Variants in FAM151B observed in about 807,000 individuals in gnomAD.
FAM151B encodes family with sequence similarity 151 member B, also known as protein FAM151B.
FAM151B carries 24 observed loss-of-function variants against 31.2 expected under a neutral mutation model. That is an observed-to-expected ratio of 0.77 (90% confidence interval 0.56 to 1.08). The LOEUF (loss-of-function observed/expected upper bound fraction) is 1.08, where lower values mean the gene tolerates loss of function less well. FAM151B is among the 50% of genes least tolerant of loss of function. FAM151B has a pLI of 0.00. For missense variants in FAM151B, 293 were observed against 328.6 expected (o/e 0.89, Z 0.84); for synonymous variants, 105 against 111.4 (o/e 0.94, Z 0.36).
intron 3 of FAM151B, chr5:80,518,789 A>T (rs1744574708): frequency 6.6e-6 from 1 of 152,170 alleles, no homozygotes; most frequent in South Asian, 2.1e-4. Flanking sequence ...AGGAGTGGAG[A>T]CAAGAGAGGT....
At position 80,538,509 on chromosome 5, in the gene FAM151B, TTTCTTTCCTTCC is replaced by T. The variant is rs1249260991; in HGVS notation, c.672-3160_672-3149del. 1.3e-3 allele frequency among the ~76,000 whole-genome samples: 140 copies of T among 104,956 alleles called. 10 individuals are homozygous for T. The highest frequency in any genetic ancestry group is 5.3e-3 in the African/African-American group (126 of 23,968). 68.9% of individuals were successfully genotyped at this position (104,956 alleles called of 152,430 possible). On this transcript the variant is annotated intron_variant, in intron 5 of 5. Transcript: ENST00000282226. ...TTCCTTCCTTCCTTCCTTTCTTTTC[TTTCTTTCCTTCC>T]TTCCTTCCTTCCTTCCTTCCTTCCT...
intron 5 of FAM151B, among the ~76,000 whole-genome samples, chr5:80,537,257 C>T (rs1285382484): frequency 5.9e-5 from 9 of 152,152 alleles, no homozygotes. Flanking sequence ...ATCCCTTCAG[C>T]GTTCTGGGTG....
chr5:80,525,905 T>C (rs1303847986), intron 5 of FAM151B, among the ~76,000 whole-genome samples: 1 of 151,926 alleles, frequency 6.6e-6, no homozygotes, highest in Non-Finnish European at 1.5e-5. Context: ...TGAAGGCATA[T>C]ACTAGGTGTA....
chr5:80,522,015 C>A lies in FAM151B; in HGVS notation c.548C>A (p.Thr183Lys). 1 of 1,579,896 alleles carries A rather than the reference C, an allele frequency of 6.3e-7. No individual in the cohort carries two copies. The highest frequency in any genetic ancestry group is 8.6e-7 in the Non-Finnish European group (1 of 1,156,268). ...PEKVNEGYSW[T>K]MVKEMEYICN... ...CTTTTCTTTTAAGGGTACAGTTGGA[C>A]AATGGTGAAAGAGATGGAATATATA... The change falls in exon 5 of 6, where the codon ACA (threonine) becomes AAA (lysine). Residue 183 changes from threonine to lysine, a missense_variant. By Grantham distance (78) the Thr-to-Lys change is moderately conservative. Coordinates refer to ENST00000282226, the MANE Select transcript of FAM151B (RefSeq NM_205548.3).
chr5:80,488,745 C>T (rs2039939076), intron 1 of FAM151B, among the ~76,000 whole-genome samples: 1 of 152,100 alleles, frequency 6.6e-6, no homozygotes, highest in Non-Finnish European at 1.5e-5. Flanking sequence ...GATTTTTTTC[C>T]CTAATTGTAA....
intron 5 of FAM151B, among the ~76,000 whole-genome samples, chr5:80,534,690 C>T (rs983047771): frequency 1.3e-5 from 2 of 151,754 alleles, no homozygotes; most frequent in Non-Finnish European, 2.9e-5. Context: ...TTCTCTAAGA[C>T]GAGGAACAAG....
intron 5 of FAM151B, among the ~76,000 whole-genome samples, chr5:80,530,204 C>T (rs1399523362): frequency 1.3e-5 from 2 of 152,166 alleles, no homozygotes; most frequent in Non-Finnish European, 2.9e-5. Context: ...GCTAAAAACT[C>T]TCAATAAACT....
At chr5:80,488,265 C>G in intron 1 of FAM151B, 117 bp downstream of exon 1, 1 of 1,273,156 alleles carries the variant, frequency 7.9e-7, no homozygotes, top group Non-Finnish European at 1.0e-6. Context: ...TGGGAGCGCG[C>G]CGCGCAGAAC....
At position 80,519,759 on chromosome 5, in the gene FAM151B, A is replaced by G. The variant is rs1744615917; in HGVS notation, c.384A>G (p.Val128=). The G allele has an allele frequency of 3.1e-6, 5 of 1,614,198 alleles. No individual in the cohort carries two copies. The African/African-American group carries it at 4.0e-5, about 13-fold the overall frequency. The change falls in exon 4 of 6, where the codon GTA becomes GTG. Residue 128 remains valine, a synonymous_variant. Transcript: ENST00000282226. ...TGAAGAGGCATCTGAAGCGTCCTGT[A>G]TGGATTAATGCCGATATTCTTCCTG... ...ENVKRHLKRP[V]WINADILPGP...
chr5:80,528,525 T>C (rs1313338100), intron 5 of FAM151B, among the ~76,000 whole-genome samples: 1 of 151,982 alleles, frequency 6.6e-6, no homozygotes, highest in Non-Finnish European at 1.5e-5. Context: ...TGGAAAAAGA[T>C]ATTCCATGCC....
intron 3 of FAM151B, 80 bp downstream of exon 3, chr5:80,513,849 A>G: frequency 7.6e-7 from 1 of 1,322,578 alleles, no homozygotes; most frequent in South Asian, 1.5e-5. Context: ...AATGTTATCC[A>G]AACTGAAAAT....
intron 1 of FAM151B, among the ~76,000 whole-genome samples, chr5:80,491,541 A>T (rs1247389137): frequency 3.3e-5 from 5 of 152,160 alleles, no homozygotes; most frequent in African/African-American, 1.2e-4. Flanking sequence ...TATAGTCACC[A>T]TTGCTGTGCA....
chr5:80,519,874 T>G lies in FAM151B; in HGVS notation c.499T>G (p.Trp167Gly), dbSNP rs774110104. Residue 167 changes from tryptophan (W) to glycine (G), a missense_variant, in exon 4 of 6, where the codon TGG (tryptophan) becomes GGG (glycine). Coordinates refer to ENST00000282226, the MANE Select transcript of FAM151B (RefSeq NM_205548.3). ...FFPDVTFSLGWTTGWHPEKVN... is the reference protein window; with the variant it reads ...FFPDVTFSLGGTTGWHPEKVN... Reference sequence around the variant, plus strand: ...TCCAGACGTGACGTTTTCCCTGGGTTGGACAACAGGATGGCATCCTGAGAA... The same window carrying G: ...TCCAGACGTGACGTTTTCCCTGGGTGGGACAACAGGATGGCATCCTGAGAA... The G allele has an allele frequency of 6.2e-7, 1 of 1,614,066 alleles. No individual in the cohort carries two copies. Among genetic ancestry groups the G allele is most frequent in the Non-Finnish European group, 8.5e-7 (1 of 1,180,016 alleles).
intron 1 of FAM151B, chr5:80,500,656 G>A: frequency 1.3e-6 from 1 of 768,704 alleles, no homozygotes; most frequent in Non-Finnish European, 2.4e-6. Flanking sequence ...GAAAGGTGTT[G>A]CAGCTTCTTC....
chr5:80,528,046 T>C (rs1745049819), intron 5 of FAM151B, among the ~76,000 whole-genome samples: 1 of 152,182 alleles, frequency 6.6e-6, no homozygotes, highest in South Asian at 2.1e-4. Context: ...TTTAAACTTT[T>C]AAAATATTTT....
intron 5 of FAM151B, among the ~76,000 whole-genome samples, chr5:80,541,243 G>GT (rs1222864370): frequency 6.6e-6 from 1 of 152,210 alleles, no homozygotes; most frequent in African/African-American, 2.4e-5. Flanking sequence ...ATGATTCTAA[G>GT]TATTGTGGAT....
At chr5:80,517,596 T>C (rs957621065) in intron 3 of FAM151B, among the ~76,000 whole-genome samples, 1 of 152,026 alleles carries the variant, frequency 6.6e-6, no homozygotes, top group African/African-American at 2.4e-5. Context: ...AATATCATTA[T>C]CCTTCGTCTA....
At chr5:80,533,842 G>T (rs1201406699) in intron 5 of FAM151B, among the ~76,000 whole-genome samples, 1 of 150,112 alleles carries the variant, frequency 6.7e-6, no homozygotes, top group Non-Finnish European at 1.5e-5. Context: ...TTTTTGAAAA[G>T]TTAAAGAAAA....
intron 5 of FAM151B, among the ~76,000 whole-genome samples, chr5:80,528,191 C>T (rs1745057187): frequency 6.6e-6 from 1 of 151,880 alleles, no homozygotes; most frequent in Non-Finnish European, 1.5e-5. Context: ...ATGGTAGCCT[C>T]AAACCAAAAA....
Sources: gnomAD v4.1 joint callset for allele counts (sites outside exome capture counted in the v4.1 genomes callset) on GRCh38, gnomAD v4.1.1 for gene constraint, MANE v1.5 for transcripts, NCBI Gene and HGNC (gene_info 2026-07-23, HGNC 2026-07-21) for gene names.